HERC3: variants seen among roughly 807,000 people sequenced by gnomAD.
The protein encoded by HERC3 is probable E3 ubiquitin-protein ligase HERC3.
HERC3 carries 58 observed loss-of-function variants against 129.9 expected under a neutral mutation model. The ratio of observed to expected loss-of-function variants is 0.45; its 90% confidence interval spans 0.36 to 0.56. HERC3 has a LOEUF of 0.56. Among genes scored for constraint, HERC3 ranks in the 20% least tolerant of loss-of-function variants. The pLI is 0.00. For missense variants in HERC3, 835 were observed against 1,244.2 expected, an observed-to-expected ratio of 0.67 and a Z score of 4.95; for synonymous variants, 430 against 451.0, an observed-to-expected ratio of 0.95 and a Z score of 0.59.
the HERC3 span, among the ~76,000 whole-genome samples, chr4:88,561,328 C>T: frequency 6.6e-6 from 1 of 151,998 alleles, no homozygotes; most frequent in East Asian, 1.9e-4. Context: ...TATTTAATTT[C>T]TACCCTAGAA....
chr4:88,547,658 T>C, the HERC3 span, among the ~76,000 whole-genome samples: 1 of 152,116 alleles, frequency 6.6e-6, no homozygotes, highest in South Asian at 2.1e-4. Context: ...ATAAAGTTTT[T>C]TGTTTGTTTG....
intron 3 of HERC3, among the ~76,000 whole-genome samples, chr4:88,624,808 TTTC>T (rs1725910541): frequency 6.6e-6 from 1 of 152,208 alleles, no homozygotes; most frequent in Non-Finnish European, 1.5e-5. Context: ...TTTCCTAAGT[TTTC>T]TTCTTGAAAT....
chr4:88,651,611 C>G (rs1372392594), intron 4 of HERC3, among the ~76,000 whole-genome samples: 1 of 152,220 alleles, frequency 6.6e-6, no homozygotes, highest in Non-Finnish European at 1.5e-5. Flanking sequence ...TCTCTATTAT[C>G]TGTCTTTGTT....
At chr4:88,600,080 A>G (rs987060191) in intron 2 of HERC3, among the ~76,000 whole-genome samples, 2 of 152,204 alleles carry the variant, frequency 1.3e-5, no homozygotes, top group African/African-American at 4.8e-5. Flanking sequence ...ATGAGCCAAC[A>G]TCTGTGAAGC....
chr4:88,524,304 C>G, the HERC3 span, among the ~76,000 whole-genome samples: 1 of 152,204 alleles, frequency 6.6e-6, no homozygotes. Context: ...GCCTGAGACC[C>G]AGTCATTGTG....
intron 23 of HERC3, chr4:88,689,941 T>C (rs57605284): frequency 3.4e-6 from 2 of 590,334 alleles, no homozygotes; most frequent in Admixed American, 1.5e-4. Flanking sequence ...TCATTAACCA[T>C]TTTTTTTTTG....
chr4:88,693,001 T>C (rs1414593185), intron 23 of HERC3: 2 of 977,470 alleles, frequency 2.0e-6, no homozygotes, highest in Non-Finnish European at 2.4e-6. Context: ...ATAACTAATA[T>C]ACATATGGAA....
intron 3 of HERC3, among the ~76,000 whole-genome samples, chr4:88,627,534 C>G (rs1214475737): frequency 6.6e-6 from 1 of 152,022 alleles, no homozygotes; most frequent in Non-Finnish European, 1.5e-5. Context: ...ATTTTGGTAT[C>G]TATGGGGGGC....
At chr4:88,673,532 C>A (rs1201473372) in intron 16 of HERC3, among the ~76,000 whole-genome samples, 1 of 152,150 alleles carries the variant, frequency 6.6e-6, no homozygotes, top group Admixed American at 6.5e-5. Context: ...TAGTACTTTA[C>A]TAGTTTTAAG....
rs1731471952 is a variant in HERC3 at position 88,670,248 on chromosome 4, G to A, written c.1907G>A (p.Gly636Glu). 6 of 1,590,612 alleles carry A rather than the reference G, an allele frequency of 3.8e-6. No individual in the cohort carries two copies. The highest frequency in any genetic ancestry group is 1.7e-5 in the Admixed American group (1 of 59,724). The change falls in exon 16 of 26, where the codon GGG (glycine) becomes GAG (glutamate). Residue 636 changes from glycine to glutamate, a missense_variant. By Grantham distance (98) the Gly-to-Glu change is moderately conservative. Coordinates refer to ENST00000402738, the MANE Select transcript of HERC3 (RefSeq NM_014606.3). ...CTCATGTGGTTCTTGCATCAAGCAGGGATGGTAAGAATTCATAAAGCATAT... is the reference window on the plus strand; with the variant it reads ...CTCATGTGGTTCTTGCATCAAGCAGAGATGGTAAGAATTCATAAAGCATAT... ...DYLMWFLHQAGMKARPSIIQD... is the reference protein window; with the variant it reads ...DYLMWFLHQAEMKARPSIIQD...
intron 3 of HERC3, among the ~76,000 whole-genome samples, chr4:88,609,914 C>G (rs1186261270): frequency 6.6e-6 from 1 of 152,172 alleles, no homozygotes; most frequent in Non-Finnish European, 1.5e-5. Context: ...ATATGCTAAA[C>G]AAGGTGTGGA....
At chr4:88,542,943 T>C in the HERC3 span, among the ~76,000 whole-genome samples, 2 of 152,290 alleles carry the variant, frequency 1.3e-5, no homozygotes, top group Non-Finnish European at 2.9e-5. Context: ...TATCTCAAAA[T>C]AATAAGAGCT....
intron 2 of HERC3, among the ~76,000 whole-genome samples, chr4:88,598,947 G>A (rs1722691671): frequency 1.3e-5 from 2 of 152,220 alleles, no homozygotes; most frequent in Admixed American, 1.3e-4. Context: ...AGCGGGGCTG[G>A]TGTAGGTGCT....
intron 3 of HERC3, among the ~76,000 whole-genome samples, chr4:88,615,592 C>T (rs1724816058): frequency 6.6e-6 from 1 of 152,034 alleles, no homozygotes; most frequent in Non-Finnish European, 1.5e-5. Flanking sequence ...TGAATAAGAG[C>T]ATGGACTAGC....
the HERC3 span, among the ~76,000 whole-genome samples, chr4:88,549,313 CTT>C: frequency 2.9e-3 from 412 of 139,796 alleles, 1 homozygote; most frequent in African/African-American, 0.011. Context: ...TTAACAGTAA[CTT>C]TTTTTAAAAA....
At chr4:88,546,026 T>C in the HERC3 span, among the ~76,000 whole-genome samples, 1 of 152,210 alleles carries the variant, frequency 6.6e-6, no homozygotes, top group Non-Finnish European at 1.5e-5. Flanking sequence ...TTAGGTATAC[T>C]ACACTAAAAA....
At chr4:88,650,625 A>T (rs1431400099) in intron 4 of HERC3, among the ~76,000 whole-genome samples, 1 of 152,198 alleles carries the variant, frequency 6.6e-6, no homozygotes, top group Admixed American at 6.5e-5. Flanking sequence ...AAGGTTCTTA[A>T]TGATCAAAGA....
intron 15 of HERC3, 39 bp downstream of exon 15, chr4:88,670,062 A>G (rs1731451726): frequency 1.2e-6 from 2 of 1,606,568 alleles, no homozygotes; most frequent in Non-Finnish European, 1.7e-6. Context: ...GGGTGATTAG[A>G]TGGTAGGGTA....
chr4:88,566,338 A>G, the HERC3 span, among the ~76,000 whole-genome samples: 1 of 152,342 alleles, frequency 6.6e-6, no homozygotes, highest in Admixed American at 6.5e-5. Flanking sequence ...TGAGAGCTTA[A>G]TACTGATTGC....
Sources: gnomAD v4.1 joint callset for allele counts (sites outside exome capture counted in the v4.1 genomes callset) on GRCh38, gnomAD v4.1.1 for gene constraint, MANE v1.5 for transcripts, NCBI Gene and HGNC (gene_info 2026-07-23, HGNC 2026-07-21) for gene names.